Variants in ZNF541 observed in about 807,000 individuals in gnomAD.
ZNF541 encodes the protein zinc finger protein 541.
In ZNF541, 23 loss-of-function variants were observed where a neutral mutation model predicts 123.5. The ratio of observed to expected loss-of-function variants is 0.19; its 90% CI spans 0.13 to 0.26. The LOEUF is 0.26. Among genes scored for constraint, ZNF541 ranks in the 10% least tolerant of loss-of-function variants. ZNF541 has a pLI of 1.00. For synonymous variants in ZNF541, 751 were observed against 754.5 expected (o/e 1.00, Z 0.08); for missense variants, 1,612 against 1,789.9 (o/e 0.90, Z 1.79).
intron 9 of ZNF541, among the ~76,000 whole-genome samples, chr19:47,536,514 A>T (rs747119060): frequency 2.0e-5 from 3 of 152,202 alleles, no homozygotes; most frequent in African/African-American, 4.8e-5. Context: ...CTAGGATTAC[A>T]GGCATGAGCC....
At chr19:47,566,265 C>G (rs923645571) in intron 2 of ZNF541, among the ~76,000 whole-genome samples, 10 of 152,022 alleles carry the variant, frequency 6.6e-5, no homozygotes, top group African/African-American at 2.2e-4. Context: ...TGAAATGCTA[C>G]GACCTTTTGG....
Position 47,544,249 on chromosome 19 carries a change from C to T in ZNF541, c.2280G>A (p.Glu760=), listed in dbSNP as rs768937967. 1 of 1,551,650 alleles carries T rather than the reference C, an allele frequency of 6.4e-7. No individual in the cohort carries two copies. The highest frequency in any genetic ancestry group is 1.7e-4 in the Middle Eastern group (1 of 5,992). The change falls in exon 5 of 17, where the codon GAG becomes GAA. Residue 760 remains glutamate (E), a synonymous_variant. Transcript: ENST00000391901. ...RAPRFSGFRK[E]KAKMDMCCAA... is the part of the protein sequence containing the mutation. ...CACAGCACATATCCATCTTCGCCTT[C>T]TCTTTCCGGAAGCCGGAGAATCGCG...
rs748467078 is a variant in ZNF541, at chr19:47,567,550, G to A, written c.-99+4346C>T. On this transcript the variant is annotated intron_variant, in intron 2 of 16. Transcript: ENST00000391901. ...GCTGGGATTACAGGCGTGCGCCACC[G>A]CGCCTGGCCAGTTAAATTTAAACAG... Among the ~76,000 whole-genome samples the A allele has an allele frequency of 5.3e-5, 8 of 152,350 alleles. No homozygotes were observed. The East Asian group carries it at 9.6e-4, about 18-fold the overall frequency.
At chr19:47,568,965 C>G (rs1192156076) in intron 2 of ZNF541, among the ~76,000 whole-genome samples, 2 of 152,130 alleles carry the variant, frequency 1.3e-5, no homozygotes, top group East Asian at 3.9e-4. Flanking sequence ...CCACTGTGCC[C>G]AGCCTCCACT....
intron 5 of ZNF541, among the ~76,000 whole-genome samples, chr19:47,541,968 G>A (rs1970097593): frequency 6.6e-6 from 1 of 152,124 alleles, no homozygotes; most frequent in Admixed American, 6.6e-5. Flanking sequence ...GCCAAAAAGT[G>A]GAAACAACCC....
At chr19:47,543,402 T>A (rs1479606504) in intron 5 of ZNF541, among the ~76,000 whole-genome samples, 5 of 152,104 alleles carry the variant, frequency 3.3e-5, no homozygotes, top group African/African-American at 1.2e-4. Context: ...TAATTATCAA[T>A]GTGCTTAAGT....
At chr19:47,563,240 T>C (rs1289365814) in intron 2 of ZNF541, among the ~76,000 whole-genome samples, 1 of 152,146 alleles carries the variant, frequency 6.6e-6, no homozygotes, top group Non-Finnish European at 1.5e-5. Context: ...GTTTTAGAAG[T>C]GTAAATCAAT....
At chr19:47,527,537 A>G (rs1450488025) in intron 14 of ZNF541, among the ~76,000 whole-genome samples, 2 of 151,842 alleles carry the variant, frequency 1.3e-5, no homozygotes, top group African/African-American at 2.4e-5. Flanking sequence ...CTGGGACCAC[A>G]AGCACGCGGC....
chr19:47,549,740 T>C (rs1970517699), intron 3 of ZNF541, among the ~76,000 whole-genome samples: 2 of 152,072 alleles, frequency 1.3e-5, no homozygotes, highest in Admixed American at 1.3e-4. Flanking sequence ...ATGACCACAA[T>C]GGGCTGGGCT....
chr19:47,543,299 G>A (rs965962057), intron 5 of ZNF541, among the ~76,000 whole-genome samples: 7 of 151,874 alleles, frequency 4.6e-5, no homozygotes, highest in African/African-American at 1.7e-4. Context: ...ACAGGGTTTC[G>A]CCATGTTGCC....
chr19:47,536,513 C>G (rs1969828203), intron 9 of ZNF541, among the ~76,000 whole-genome samples: 1 of 152,196 alleles, frequency 6.6e-6, no homozygotes, highest in South Asian at 2.1e-4. Context: ...GCTAGGATTA[C>G]AGGCATGAGC....
rs1163123537 is a variant in ZNF541, at chr19:47,520,834, G to GT, written c.*389dup. 1.1e-5 allele frequency: 2 copies of GT among 181,314 alleles called. No individual in the cohort carries two copies. Among genetic ancestry groups the GT allele is most frequent in the Non-Finnish European group, 2.3e-5 (2 of 86,482 alleles). 11.2% of individuals were successfully genotyped at this position (181,314 alleles called of 1,614,324 possible). On this transcript the variant is annotated 3_prime_UTR_variant, in exon 17 of 17. Coordinates refer to ENST00000391901, the MANE Select transcript of ZNF541 (RefSeq NM_001277075.3). The stretch of plus-strand genomic sequence containing the variant: ...GGCCCAGCGTGTTGGAGATCTCAAG[G>GT]TTTTTTCCCACTGATTCTCTAAGTC...
chr19:47,566,920 G>A (rs920608928), intron 2 of ZNF541, among the ~76,000 whole-genome samples: 13 of 144,098 alleles, frequency 9.0e-5, no homozygotes, highest in African/African-American at 2.1e-4. Flanking sequence ...GCGTGGTGGC[G>A]GGTGCCTGTA....
chr19:47,559,127 C>T (rs78856651), intron 2 of ZNF541, among the ~76,000 whole-genome samples: 1 of 151,560 alleles, frequency 6.6e-6, no homozygotes, highest in Non-Finnish European at 1.5e-5. Flanking sequence ...TCCCAGCACT[C>T]TGGGAGGCCG....
Position 47,540,326 on chromosome 19 carries a change from T to C in ZNF541, c.2472A>G (p.Gln824=), listed in dbSNP as rs1441309676. 6.4e-7 allele frequency: 1 copy of C among 1,551,780 alleles called. No homozygotes were observed. Among genetic ancestry groups the C allele is most frequent in the African/African-American group, 1.4e-5 (1 of 73,048 alleles). The change falls in exon 7 of 17, where the codon CAA becomes CAG. Residue 824 remains glutamine, a synonymous_variant. Coordinates refer to ENST00000391901, the MANE Select transcript of ZNF541 (RefSeq NM_001277075.3). ...EENVAGRGNQ[Q]NGSPTDWTKP... is the part of the protein sequence containing the mutation. The stretch of plus-strand genomic sequence containing the variant: ...TCGTCCAGTCTGTGGGACTGCCGTT[T>C]TGCTGGTTACTGTGGGACATGGCAG...
At chr19:47,539,521 C>T (rs560052671) in intron 8 of ZNF541, among the ~76,000 whole-genome samples, 184 bp downstream of exon 8, 11 of 152,140 alleles carry the variant, frequency 7.2e-5, no homozygotes, top group Non-Finnish European at 1.0e-4. Flanking sequence ...AGGCTGGTCT[C>T]GAATACCTGA....
rs143142077 is a variant in ZNF541 at position 47,565,865 on chromosome 19, T to C, written c.-99+6031A>G. ...CAACATTGGGGATCCGAAGCAATTT[T>C]AATTTTTTTTCTTTTAAAAAAATGC... On this transcript the variant is annotated intron_variant, in intron 2 of 16. Transcript: ENST00000391901. 1.4e-3 allele frequency among the ~76,000 whole-genome samples: 220 copies of C among 151,924 alleles called. 1 individual carries two copies. The highest frequency in any genetic ancestry group is 5.0e-3 in the African/African-American group (207 of 41,212).
chr19:47,530,261 C>T (rs1474414646), intron 12 of ZNF541, among the ~76,000 whole-genome samples: 1 of 151,720 alleles, frequency 6.6e-6, no homozygotes, highest in Non-Finnish European at 1.5e-5. Flanking sequence ...CTCCACCTCC[C>T]CAGTTCAAGT....
chr19:47,546,940 G>C (rs1444909469), intron 4 of ZNF541, among the ~76,000 whole-genome samples: 1 of 152,094 alleles, frequency 6.6e-6, no homozygotes, highest in African/African-American at 2.4e-5. Context: ...AGCTGGTCTC[G>C]AACTCCTGAC....
Sources: allele counts gnomAD v4.1 joint callset (sites outside exome capture counted in the v4.1 genomes callset), GRCh38; gene constraint gnomAD v4.1.1; transcripts MANE v1.5; gene names NCBI Gene and HGNC (gene_info 2026-07-23, HGNC 2026-07-21).